Variants in CNTNAP5 observed in about 807,000 individuals in gnomAD.
CNTNAP5 encodes the protein contactin-associated protein-like 5.
CNTNAP5 carries 72 observed loss-of-function variants against 150.2 expected under a neutral mutation model. That is an observed-to-expected ratio of 0.48 (90% confidence interval 0.40 to 0.58). The LOEUF (loss-of-function observed/expected upper bound fraction) is 0.58. Ranked by LOEUF, CNTNAP5 falls within the 20% of genes least tolerant of loss-of-function variation. The pLI, the probability that CNTNAP5 is intolerant of heterozygous loss-of-function variation, is 0.00. For synonymous variants in CNTNAP5, 672 were observed against 619.8 expected (o/e 1.08, Z -1.25); for missense variants, 1,636 against 1,626.2 (o/e 1.01, Z -0.10).
intron 13 of CNTNAP5, among the ~76,000 whole-genome samples, chr2:124,695,589 C>A (rs915454460): frequency 6.6e-6 from 1 of 152,112 alleles, no homozygotes; most frequent in African/African-American, 2.4e-5. Context: ...ATTTTCATAT[C>A]ATTTATAATA....
chr2:124,272,484 C>G (rs919453907), intron 3 of CNTNAP5, among the ~76,000 whole-genome samples: 1 of 152,172 alleles, frequency 6.6e-6, no homozygotes, highest in Non-Finnish European at 1.5e-5. Flanking sequence ...CATCTGCTCT[C>G]TCCCCCACCT....
rs377151517 is a variant in CNTNAP5, at chr2:124,426,828, G to A, written c.530-7656G>A. 2.0e-4 allele frequency among the ~76,000 whole-genome samples: 30 copies of A among 152,254 alleles called. No individual in the cohort carries two copies. In the South Asian group the frequency reaches 3.1e-3, roughly 16 times the overall value. ...TGTGGCAGCCAGGTCAGCAATTATG[G>A]GCCCAGTGGGAAGTCGGCCAGTGCT... On this transcript the variant is annotated intron_variant, in intron 4 of 23. Transcript: ENST00000682447.
intron 3 of CNTNAP5, among the ~76,000 whole-genome samples, chr2:124,385,238 T>C (rs773322330): frequency 6.6e-6 from 1 of 152,214 alleles, no homozygotes; most frequent in Non-Finnish European, 1.5e-5. Flanking sequence ...TGTGTTTGTT[T>C]TTACGGCAGG....
chr2:124,135,968 T>G (rs1683962765), intron 1 of CNTNAP5, among the ~76,000 whole-genome samples: 1 of 152,054 alleles, frequency 6.6e-6, no homozygotes, highest in Non-Finnish European at 1.5e-5. Context: ...TACAATGGAG[T>G]CTTGTGGTGG....
At chr2:124,619,908 C>CAT (rs10540154) in intron 12 of CNTNAP5, among the ~76,000 whole-genome samples, 2,276 of 115,384 alleles carry the variant, frequency 0.02, 72 homozygotes, top group African/African-American at 0.048. Flanking sequence ...CTGTCTCATT[C>CAT]ATATATATAT....
At chr2:124,172,929 A>G (rs1031600917) in intron 1 of CNTNAP5, among the ~76,000 whole-genome samples, 1 of 151,826 alleles carries the variant, frequency 6.6e-6, no homozygotes, top group African/African-American at 2.4e-5. Context: ...GTTTTTGGAA[A>G]CCCTGAAATG....
chr2:124,729,681 T>C (rs1346285891), intron 13 of CNTNAP5, among the ~76,000 whole-genome samples: 2 of 152,072 alleles, frequency 1.3e-5, no homozygotes, highest in Admixed American at 1.3e-4. Context: ...TTTATCATCT[T>C]TGATGAAATA....
chr2:124,492,196 ATG>A (rs1402334773), intron 7 of CNTNAP5, among the ~76,000 whole-genome samples: 1 of 152,140 alleles, frequency 6.6e-6, no homozygotes, highest in Admixed American at 6.6e-5. Context: ...GCCTAGACCA[ATG>A]TCAAGGATAT....
At position 124,747,209 on chromosome 2, in the gene CNTNAP5, T is replaced by C; in HGVS notation, c.2078-20T>C. ...TTCAGGCTTGCCCTACCCTGACTGG[T>C]GGAATATCTTGTCTTCCAGATGGAA... On this transcript the variant is annotated intron_variant, in intron 13 of 23. Coordinates refer to ENST00000682447, the MANE Select transcript of CNTNAP5 (RefSeq NM_001367498.1). The C allele has an allele frequency of 1.2e-6, 2 of 1,608,460 alleles. No individual in the cohort carries two copies. Among genetic ancestry groups the C allele is most frequent in the Non-Finnish European group, 1.7e-6 (2 of 1,175,742 alleles).
At chr2:124,597,041 G>A (rs1194492631) in intron 11 of CNTNAP5, among the ~76,000 whole-genome samples, 5 of 146,508 alleles carry the variant, frequency 3.4e-5, no homozygotes, top group South Asian at 2.4e-4. Context: ...GTCTCTGTAC[G>A]TGAGATGGGT....
At chr2:124,134,160 G>C (rs1461503707) in intron 1 of CNTNAP5, among the ~76,000 whole-genome samples, 2 of 152,138 alleles carry the variant, frequency 1.3e-5, no homozygotes, top group Non-Finnish European at 2.9e-5. Context: ...TTGAGGTGTT[G>C]TCAATGTCTA....
chr2:124,825,976 TA>T (rs1682584471), intron 19 of CNTNAP5, among the ~76,000 whole-genome samples: 1 of 152,198 alleles, frequency 6.6e-6, no homozygotes, highest in Non-Finnish European at 1.5e-5. Context: ...GCTTACTTAA[TA>T]AAAGTAAATT....
chr2:124,283,422 T>A (rs1688066042), intron 3 of CNTNAP5, among the ~76,000 whole-genome samples: 1 of 152,194 alleles, frequency 6.6e-6, no homozygotes. Context: ...GCAGCACTGC[T>A]GTGAGTGCCA....
At chr2:124,701,093 T>C (rs1461136739) in intron 13 of CNTNAP5, among the ~76,000 whole-genome samples, 1 of 152,044 alleles carries the variant, frequency 6.6e-6, no homozygotes, top group Admixed American at 6.6e-5. Context: ...ATAATGTACC[T>C]TAGATCTCTA....
intron 11 of CNTNAP5, among the ~76,000 whole-genome samples, chr2:124,590,574 A>G (rs1189145179): frequency 2.0e-5 from 3 of 152,244 alleles, no homozygotes; most frequent in Non-Finnish European, 4.4e-5. Flanking sequence ...AATTAAATAA[A>G]TGGCTGCTAA....
intron 19 of CNTNAP5, among the ~76,000 whole-genome samples, chr2:124,861,931 A>C (rs1677533466): frequency 6.6e-6 from 1 of 152,138 alleles, no homozygotes; most frequent in Non-Finnish European, 1.5e-5. Flanking sequence ...CTCCTGCCTC[A>C]GTCTCCTGAG....
At chr2:124,732,856 T>G (rs1236203977) in intron 13 of CNTNAP5, among the ~76,000 whole-genome samples, 1 of 152,154 alleles carries the variant, frequency 6.6e-6, no homozygotes, top group African/African-American at 2.4e-5. Context: ...TGACATGTTT[T>G]CAAACACAAA....
At chr2:124,626,829 A>C (rs1677733729) in intron 12 of CNTNAP5, among the ~76,000 whole-genome samples, 2 of 152,124 alleles carry the variant, frequency 1.3e-5, no homozygotes, top group Admixed American at 1.3e-4. Context: ...CGCTGCCAGC[A>C]CAGCAGTCTG....
intron 19 of CNTNAP5, among the ~76,000 whole-genome samples, chr2:124,823,888 G>A (rs902707620): frequency 2.4e-4 from 36 of 152,008 alleles, no homozygotes; most frequent in African/African-American, 8.4e-4. Flanking sequence ...GCAACATAGG[G>A]CTGGCCATGA....
Sources: allele counts gnomAD v4.1 joint callset (sites outside exome capture counted in the v4.1 genomes callset), GRCh38; gene constraint gnomAD v4.1.1; transcripts MANE v1.5; gene names NCBI Gene and HGNC (gene_info 2026-07-23, HGNC 2026-07-21).